Variants in OTUD7A observed in about 807,000 individuals in gnomAD.
OTUD7A encodes the protein OTU domain-containing protein 7A.
A neutral mutation model predicts 65.7 loss-of-function variants in OTUD7A; 12 were observed. The ratio of observed to expected loss-of-function variants is 0.18; its 90% CI spans 0.12 to 0.30. OTUD7A has a LOEUF of 0.30. OTUD7A is among the 10% of genes least tolerant of loss of function. OTUD7A has a pLI of 1.00. For synonymous variants in OTUD7A, 641 were observed against 586.3 expected, an observed-to-expected ratio of 1.09 and a Z score of -1.35; for missense variants, 1,148 against 1,304.8, an observed-to-expected ratio of 0.88 and a Z score of 1.85.
In OTUD7A at chr15:31,526,350, C is replaced by T. The variant is rs1167780057; in HGVS notation, c.892G>A (p.Gly298Ser). The change falls in exon 8 of 13, where the codon GGT becomes AGT. Residue 298 changes from glycine to serine, a missense_variant and splice_region_variant. Coordinates refer to ENST00000307050, the MANE Select transcript of OTUD7A (RefSeq NM_001382637.1). ...HFSKNGGTGG[G>S]VDNSEDPVYE... is the part of the protein sequence containing the mutation. ...GGGGAGAGCAGGGGCAGCACTTACC[C>T]CCCGCCCGTGCCGCCATTCTTGCTG... The T allele has an allele frequency of 1.9e-6, 3 of 1,589,426 alleles. No homozygotes were observed. Among genetic ancestry groups the T allele is most frequent in the East Asian group, 2.3e-5 (1 of 44,348 alleles).
At chr15:31,595,018 GCACCAAACAGTT>G (rs1021618889) in intron 3 of OTUD7A, among the ~76,000 whole-genome samples, 6 of 152,192 alleles carry the variant, frequency 3.9e-5, no homozygotes, top group African/African-American at 1.4e-4. Context: ...TAATACTCAG[GCACCAAACAGTT>G]CCCTAATAAG....
At chr15:31,524,342 T>C (rs1177151553) in intron 8 of OTUD7A, among the ~76,000 whole-genome samples, 1 of 152,150 alleles carries the variant, frequency 6.6e-6, no homozygotes, top group Non-Finnish European at 1.5e-5. Context: ...GGAGACTTAA[T>C]GATCAGACCA....
chr15:31,823,515 C>T (rs980738771), intron 1 of OTUD7A, among the ~76,000 whole-genome samples: 14 of 152,304 alleles, frequency 9.2e-5, no homozygotes, highest in Middle Eastern at 6.8e-3. Context: ...TTTTGAGAGT[C>T]GCCATATCTG....
intron 1 of OTUD7A, among the ~76,000 whole-genome samples, chr15:31,864,222 G>C (rs1897818832): frequency 6.6e-6 from 1 of 152,080 alleles, no homozygotes; most frequent in African/African-American, 2.4e-5. Flanking sequence ...GTCTTATTCT[G>C]AGCCCTCCAA....
intron 1 of OTUD7A, among the ~76,000 whole-genome samples, chr15:31,684,063 AT>A (rs1455868395): frequency 3.0e-4 from 45 of 152,348 alleles, no homozygotes; most frequent in African/African-American, 1.1e-3. Flanking sequence ...GAAGCAATTG[AT>A]TTCAACAAAG....
intron 3 of OTUD7A, among the ~76,000 whole-genome samples, chr15:31,612,560 T>A (rs1890460443): frequency 6.6e-6 from 1 of 151,674 alleles, no homozygotes; most frequent in South Asian, 2.1e-4. Context: ...TGCAAAAAAA[T>A]AAAATACCTA....
rs541697699 is a variant in OTUD7A at position 31,780,054 on chromosome 15, G to A, written c.-100+90453C>T. 4.6e-5 allele frequency among the ~76,000 whole-genome samples: 7 copies of A among 152,222 alleles called. No homozygotes were observed. The East Asian group carries it at 1.4e-3, about 29-fold the overall frequency. ...GTCATCCTCAAACCAAGAAGAGAGT[G>A]CCTGGGGTGATTAACCAACAAGGAT... On this transcript the variant is annotated intron_variant, in intron 1 of 12. Transcript: ENST00000307050.
chr15:31,615,904 G>A (rs1226000815), intron 3 of OTUD7A, among the ~76,000 whole-genome samples: 1 of 152,180 alleles, frequency 6.6e-6, no homozygotes, highest in Non-Finnish European at 1.5e-5. Flanking sequence ...AGGGGCAGAT[G>A]GGAGGTCTGT....
At chr15:31,784,373 T>C (rs889706187) in intron 1 of OTUD7A, among the ~76,000 whole-genome samples, 3 of 152,162 alleles carry the variant, frequency 2.0e-5, no homozygotes, top group African/African-American at 7.2e-5. Flanking sequence ...CCCCAATACA[T>C]GGATTGTGGA....
chr15:31,836,007 G>T (rs1021395572), intron 1 of OTUD7A, among the ~76,000 whole-genome samples: 2 of 151,866 alleles, frequency 1.3e-5, no homozygotes, highest in African/African-American at 4.8e-5. Flanking sequence ...CATTCAAAAA[G>T]TTTTGGATTT....
chr15:31,766,913 C>T (rs1595755223), intron 1 of OTUD7A: 2 of 1,610,462 alleles, frequency 1.2e-6, no homozygotes, highest in East Asian at 4.5e-5. Flanking sequence ...ACAATTCCTT[C>T]CAAAGAATAG....
chr15:31,630,221 G>A (rs574789053), intron 3 of OTUD7A, among the ~76,000 whole-genome samples: 8 of 147,924 alleles, frequency 5.4e-5, no homozygotes, highest in African/African-American at 7.6e-5. Flanking sequence ...TTTCTCTTGT[G>A]GGCATTTAGT....
At chr15:31,714,730 G>T (rs1893538991) in intron 1 of OTUD7A, among the ~76,000 whole-genome samples, 2 of 152,134 alleles carry the variant, frequency 1.3e-5, no homozygotes. Flanking sequence ...CTGGACATTT[G>T]CTGGTGTGCT....
At chr15:31,745,109 G>A (rs1894442008) in intron 1 of OTUD7A, among the ~76,000 whole-genome samples, 1 of 151,742 alleles carries the variant, frequency 6.6e-6, no homozygotes, top group Non-Finnish European at 1.5e-5. Flanking sequence ...TCAATATTAG[G>A]GTCAGTTCTC....
intron 5 of OTUD7A, among the ~76,000 whole-genome samples, chr15:31,541,875 C>T (rs1253580039): frequency 3.3e-5 from 5 of 152,134 alleles, no homozygotes; most frequent in African/African-American, 1.2e-4. Flanking sequence ...TTTGCTCTGG[C>T]AAAGGCAGTT....
chr15:31,852,127 G>T (rs1897443762), intron 1 of OTUD7A, among the ~76,000 whole-genome samples: 1 of 152,092 alleles, frequency 6.6e-6, no homozygotes, highest in African/African-American at 2.4e-5. Context: ...AAAGTGCTGG[G>T]ATTACAGGCA....
At chr15:31,733,893 T>G (rs901880786) in intron 1 of OTUD7A, among the ~76,000 whole-genome samples, 3 of 152,170 alleles carry the variant, frequency 2.0e-5, no homozygotes, top group African/African-American at 7.2e-5. Flanking sequence ...GCCTGAAAGC[T>G]ACAGGTACGG....
intron 1 of OTUD7A, among the ~76,000 whole-genome samples, chr15:31,726,586 T>C (rs1220192870): frequency 6.6e-6 from 1 of 152,206 alleles, no homozygotes; most frequent in Non-Finnish European, 1.5e-5. Context: ...ACAAATCATT[T>C]TGCAAAGCAA....
intron 1 of OTUD7A, among the ~76,000 whole-genome samples, chr15:31,852,888 C>T (rs1395977595): frequency 6.6e-6 from 1 of 152,152 alleles, no homozygotes; most frequent in Non-Finnish European, 1.5e-5. Flanking sequence ...CTGATGAATA[C>T]CCAAAAGGTC....
Sources: gnomAD v4.1 joint callset for allele counts (sites outside exome capture counted in the v4.1 genomes callset) on GRCh38, gnomAD v4.1.1 for gene constraint, MANE v1.5 for transcripts, NCBI Gene and HGNC (gene_info 2026-07-23, HGNC 2026-07-21) for gene names.